Variants in CHODL observed in about 807,000 individuals in gnomAD.
CHODL encodes the protein transmembrane protein MT75.
In CHODL, 29 loss-of-function variants were observed where a neutral mutation model predicts 34.5. The observed-to-expected ratio is 0.84, with a 90% confidence interval of 0.63 to 1.15. The LOEUF (loss-of-function observed/expected upper bound fraction) is 1.15. CHODL is among the 50% of genes most tolerant of loss of function. The pLI is 0.00. For missense variants in CHODL, 332 were observed against 332.5 expected (o/e 1.00, Z 0.01); for synonymous variants, 125 against 116.1 (o/e 1.08, Z -0.49).
intron 1 of CHODL, among the ~76,000 whole-genome samples, chr21:18,248,573 G>GTATTTTATATATATATATATATAT (rs2074172487): frequency 1.5e-5 from 2 of 135,940 alleles, no homozygotes; most frequent in Non-Finnish European, 3.1e-5. Context: ...CTTTATAAAA[G>GTATTTTATATATATATATATATAT]GTAATGTATT....
chr21:17,981,064 A>AAT (rs2063710041), intron 1 of CHODL, among the ~76,000 whole-genome samples: 1 of 152,224 alleles, frequency 6.6e-6, no homozygotes, highest in Non-Finnish European at 1.5e-5. Context: ...GTAACCAGTT[A>AAT]ATAAATAGTG....
intron 2 of CHODL, among the ~76,000 whole-genome samples, chr21:18,060,665 C>T (rs926626169): frequency 1.4e-5 from 2 of 146,574 alleles, no homozygotes; most frequent in African/African-American, 5.1e-5. Flanking sequence ...ACCTAGGTAC[C>T]TCTGAAGCTC....
At chr21:18,045,472 C>G (rs1297020277) in intron 2 of CHODL, among the ~76,000 whole-genome samples, 1 of 151,858 alleles carries the variant, frequency 6.6e-6, no homozygotes, top group East Asian at 1.9e-4. Flanking sequence ...GATTGGAGTT[C>G]AGTTGCCATA....
chr21:17,942,367 A>T (rs1003880291), intron 1 of CHODL, among the ~76,000 whole-genome samples: 14 of 152,094 alleles, frequency 9.2e-5, no homozygotes, highest in Non-Finnish European at 1.8e-4. Flanking sequence ...ATAGTGAATA[A>T]GTTTTATGAG....
chr21:18,120,984 C>T (rs773339095), intron 2 of CHODL, among the ~76,000 whole-genome samples: 4 of 151,966 alleles, frequency 2.6e-5, no homozygotes, highest in African/African-American at 4.8e-5. Context: ...TTATAAGGCT[C>T]GGATTGCATT....
intron 1 of CHODL, among the ~76,000 whole-genome samples, chr21:17,950,621 G>T (rs1446709033): frequency 1.3e-5 from 2 of 152,030 alleles, no homozygotes; most frequent in Non-Finnish European, 2.9e-5. Context: ...TCCAATGTCA[G>T]GTAGAACTAG....
intron 1 of CHODL, among the ~76,000 whole-genome samples, chr21:17,971,165 G>C (rs1030654983): frequency 1.2e-4 from 19 of 152,066 alleles, no homozygotes; most frequent in Non-Finnish European, 2.8e-4. Flanking sequence ...CCAAGTCTTT[G>C]CTCTTATGAA....
chr21:17,917,817 G>A lies in CHODL; in HGVS notation c.-145+417G>A, dbSNP rs114304049. On this transcript the variant is annotated intron_variant, in intron 1 of 6. Transcript: ENST00000400127. ...ATGAATGATATTTAGCACACTGCATGTTTTATCTTTTTGTTAACAGTGTAA... is the reference window on the plus strand; with the variant it reads ...ATGAATGATATTTAGCACACTGCATATTTTATCTTTTTGTTAACAGTGTAA... Among the ~76,000 whole-genome samples the A allele has an allele frequency of 8.0e-3, 1,216 of 152,096 alleles. 19 individuals carry two copies. The highest frequency in any genetic ancestry group is 0.027 in the African/African-American group (1,120 of 41,526).
intron 2 of CHODL, among the ~76,000 whole-genome samples, chr21:18,145,563 G>T (rs1362503074): frequency 1.3e-5 from 2 of 151,656 alleles, no homozygotes; most frequent in Non-Finnish European, 2.9e-5. Context: ...ATATAGCATA[G>T]AATGGAGGGT....
At chr21:18,115,168 GGAAACAATTGCAA>G (rs1424465184) in intron 2 of CHODL, among the ~76,000 whole-genome samples, 1 of 152,208 alleles carries the variant, frequency 6.6e-6, no homozygotes, top group Non-Finnish European at 1.5e-5. Context: ...AGTGAATTTA[GGAAACAATTGCAA>G]GATTGTGGGA....
intron 1 of CHODL, among the ~76,000 whole-genome samples, chr21:17,997,956 C>T (rs1165245697): frequency 1.3e-5 from 2 of 152,162 alleles, no homozygotes; most frequent in Non-Finnish European, 2.9e-5. Flanking sequence ...TCCCAACAGT[C>T]CCCCAAAGTC....
rs542064059 is a variant in CHODL at position 18,092,632 on chromosome 21, T to A, written c.-45+64661T>A. 4.9e-4 allele frequency among the ~76,000 whole-genome samples: 75 copies of A among 152,204 alleles called. No individual in the cohort carries two copies. In the South Asian group the frequency reaches 0.016, roughly 32 times the overall value. On this transcript the variant is annotated intron_variant, in intron 2 of 6. Transcript: ENST00000400127. The stretch of plus-strand genomic sequence containing the variant: ...ATACAGTTAAAAAGATTGAAATAAT[T>A]AAAAAGAATCAAGAAGGAATTCTAG...
intron 1 of CHODL, among the ~76,000 whole-genome samples, chr21:17,973,423 T>C (rs948569466): frequency 2.7e-5 from 4 of 147,218 alleles, no homozygotes; most frequent in African/African-American, 1.0e-4. Context: ...CTTTCTTTTT[T>C]TTTTTTTTTT....
intron 1 of CHODL, among the ~76,000 whole-genome samples, chr21:17,926,003 G>A (rs1266785025): frequency 6.6e-6 from 1 of 152,088 alleles, no homozygotes; most frequent in African/African-American, 2.4e-5. Flanking sequence ...TTAATTAATA[G>A]TAATTTAATT....
chr21:18,258,318 A>G (rs1472805844), intron 3 of CHODL, among the ~76,000 whole-genome samples: 1 of 152,120 alleles, frequency 6.6e-6, no homozygotes, highest in Non-Finnish European at 1.5e-5. Flanking sequence ...GGAGAAATAT[A>G]AAGTTGAAAT....
chr21:18,141,723 G>GAAAAAAAAACAAA (rs2072805636), intron 2 of CHODL, among the ~76,000 whole-genome samples: 1 of 124,582 alleles, frequency 8.0e-6, no homozygotes. Flanking sequence ...GAAAGAACAG[G>GAAAAAAAAACAAA]AAAAAAAAAA....
chr21:18,007,405 A>AG (rs1352416654), intron 1 of CHODL, among the ~76,000 whole-genome samples: 2 of 152,230 alleles, frequency 1.3e-5, no homozygotes, highest in African/African-American at 4.8e-5. Context: ...GAGCAGACAG[A>AG]GGAATAAGTA....
At chr21:17,974,194 A>G in intron 1 of CHODL, among the ~76,000 whole-genome samples, 1 of 152,230 alleles carries the variant, frequency 6.6e-6, no homozygotes, top group Middle Eastern at 3.2e-3. Context: ...TGACATTGAT[A>G]ATAAATAACC....
intron 2 of CHODL, among the ~76,000 whole-genome samples, chr21:18,165,001 T>C (rs1241053934): frequency 6.6e-6 from 1 of 152,196 alleles, no homozygotes; most frequent in Non-Finnish European, 1.5e-5. Flanking sequence ...TGCCATCACA[T>C]TGGTACAGTG....
Sources: allele counts gnomAD v4.1 joint callset (sites outside exome capture counted in the v4.1 genomes callset), GRCh38; gene constraint gnomAD v4.1.1; transcripts MANE v1.5; gene names NCBI Gene and HGNC (gene_info 2026-07-23, HGNC 2026-07-21).